TRIM56: variants seen among roughly 807,000 people sequenced by gnomAD.
The protein encoded by TRIM56 is tripartite motif containing 56, also known as E3 ubiquitin-protein ligase TRIM56.
TRIM56 carries 10 observed loss-of-function variants against 17.1 expected under a neutral mutation model. The ratio of observed to expected loss-of-function variants is 0.58; its 90% confidence interval spans 0.36 to 0.99. The LOEUF (loss-of-function observed/expected upper bound fraction) is 0.99, where lower values mean the gene tolerates loss of function less well. TRIM56 is among the 50% of genes least tolerant of loss of function. TRIM56 has a pLI of 0.01. For synonymous variants in TRIM56, 503 were observed against 473.5 expected (o/e 1.06, Z -0.81); for missense variants, 923 against 1,052.3 (o/e 0.88, Z 1.70).
rs1795512321 is a variant in TRIM56 at position 101,088,966 on chromosome 7, C to T, written c.1654C>T (p.Pro552Ser). The T allele has an allele frequency of 6.2e-7, 1 of 1,612,640 alleles. No individual in the cohort carries two copies. The highest frequency in any genetic ancestry group is 1.3e-5 in the African/African-American group (1 of 75,074). ...GTVPVPEGCS[P>S]CSVAALQSAV... Reference sequence around the variant, plus strand: ...CGTGCCGGTCCCTGAGGGCTGCTCCCCTTGCAGCGTGGCCGCCCTGCAGAG... The same window carrying T: ...CGTGCCGGTCCCTGAGGGCTGCTCCTCTTGCAGCGTGGCCGCCCTGCAGAG... Residue 552 changes from proline to serine, a missense_variant, in exon 3 of 3, where the codon CCT becomes TCT. This residue lies in a region of TRIM56 where 643 missense variants were observed against 665.6 expected (regional missense o/e 0.97). Transcript: ENST00000306085.
Position 101,089,194 on chromosome 7 carries a change from G to A in TRIM56, c.1882G>A (p.Gly628Ser), listed in dbSNP as rs773654265. 2 of 1,613,612 alleles carry A rather than the reference G, an allele frequency of 1.2e-6. No individual in the cohort carries two copies. Among genetic ancestry groups the A allele is most frequent in the Non-Finnish European group, 1.7e-6 (2 of 1,179,818 alleles). The change falls in exon 3 of 3, where the codon GGC becomes AGC. Residue 628 changes from glycine to serine, a missense_variant. Transcript: ENST00000306085. ...GSLATRFIPG[G>S]KASRGLRALV... ...CCTGGCCACCCGGTTCATTCCTGGA[G>A]GCAAGGCCAGCCGGGGCCTGCGGGC...
At position 101,087,866 on chromosome 7, in the gene TRIM56, C is replaced by T; in HGVS notation, c.554C>T (p.Ser185Leu). The T allele has an allele frequency of 6.2e-7, 1 of 1,605,978 alleles. No homozygotes were observed. Among genetic ancestry groups the T allele is most frequent in the South Asian group, 1.1e-5 (1 of 90,780 alleles). The change falls in exon 3 of 3, where the codon TCA (serine) becomes TTA (leucine). Residue 185 changes from serine (S) to leucine (L), a missense_variant. Around this residue, in one of 3 missense-constraint regions of TRIM56, gnomAD observed 643 missense variants for 665.6 expected, o/e 0.97. Coordinates refer to ENST00000306085, the MANE Select transcript of TRIM56 (RefSeq NM_030961.3). ...EALRFLCQPC[S>L]QLLCRECRLD... is the part of the protein sequence containing the mutation. ...CTGCGCTTCCTGTGCCAGCCCTGCT[C>T]ACAGTTGCTGTGCAGAGAGTGCCGC...
Position 101,091,581 on chromosome 7 carries a change from G to A in TRIM56, c.*2001G>A, listed in dbSNP as rs149447681. ...ATCTCTACTAAAAATACAAAAATTA[G>A]CTAGGCGTGGGAGCGGGCGTCTGTA... On this transcript the variant is annotated 3_prime_UTR_variant, in exon 3 of 3. Transcript: ENST00000306085. 6,037 of 344,352 alleles carry A rather than the reference G, an allele frequency of 0.018. 87 individuals carry two copies. Among genetic ancestry groups the A allele is most frequent in the Middle Eastern group, 0.021 (20 of 940 alleles). The allele number at this position is 344,352 out of a possible 1,614,324, so 21.3% of individuals were successfully genotyped here. A position where few individuals can be genotyped will look rare whatever the true frequency, so the allele number is the denominator to read the frequency against.
chr7:101,086,070 C>T (rs80211558), intron 1 of TRIM56, among the ~76,000 whole-genome samples: 2,460 of 152,232 alleles, frequency 0.016, 40 homozygotes, highest in Middle Eastern at 0.024. Flanking sequence ...AAAGTGGGGC[C>T]TCCACCACCC....
Position 101,088,808 on chromosome 7 carries a change from C to T in TRIM56, c.1496C>T (p.Thr499Met), listed in dbSNP as rs759424639. Residue 499 changes from threonine to methionine, a missense_variant, in exon 3 of 3, where the codon ACG (threonine) becomes ATG (methionine). Around this residue, in one of 3 missense-constraint regions of TRIM56, gnomAD observed 643 missense variants for 665.6 expected, o/e 0.97. Transcript: ENST00000306085. ...CCCATCTTTTACTGCAGTTTCCCCA[C>T]GCGGATGCCTGGAGACAAGCGGTCC... Reference protein sequence around the residue: ...PRPIFYCSFPTRMPGDKRSPR... With the variant: ...PRPIFYCSFPMRMPGDKRSPR... The T allele has an allele frequency of 3.9e-5, 63 of 1,613,712 alleles. No homozygotes were observed. Among genetic ancestry groups the T allele is most frequent in the Admixed American group, 6.7e-5 (4 of 60,010 alleles).
At position 101,088,630 on chromosome 7, in the gene TRIM56, G is replaced by C; in HGVS notation, c.1318G>C (p.Ala440Pro). 6.2e-7 allele frequency: 1 copy of C among 1,613,898 alleles called. No homozygotes were observed. Among genetic ancestry groups the C allele is most frequent in the Non-Finnish European group, 8.5e-7 (1 of 1,179,884 alleles). Residue 440 changes from alanine to proline, a missense_variant, in exon 3 of 3, where the codon GCC (alanine) becomes CCC (proline). Coordinates refer to ENST00000306085, the MANE Select transcript of TRIM56 (RefSeq NM_030961.3). The stretch of plus-strand genomic sequence containing the variant: ...AGCCCAGACCTTGGAGGAGGACAGG[G>C]CCCAGACACCCCACGAGGATGGAGG... ...EGAQTLEEDR[A>P]QTPHEDGGPQ... is the part of the protein sequence containing the mutation.
In TRIM56 at chr7:101,087,722, G is replaced by T; in HGVS notation, c.410G>T (p.Cys137Phe). 6.3e-7 allele frequency: 1 copy of T among 1,588,302 alleles called. No individual in the cohort carries two copies. Among genetic ancestry groups the T allele is most frequent in the Non-Finnish European group, 8.6e-7 (1 of 1,167,700 alleles). Residue 137 changes from cysteine (C) to phenylalanine (F), a missense_variant, in exon 3 of 3, where the codon TGC (cysteine) becomes TTC (phenylalanine). Cys to Phe is a radical substitution (Grantham distance 205). This residue lies in a region of TRIM56 where 643 missense variants were observed against 665.6 expected (regional missense o/e 0.97). Transcript: ENST00000306085. The part of the protein sequence containing the change: ...LCQACADGHR[C>F]TRQTHTHRVV... The stretch of plus-strand genomic sequence containing the variant: ...CAGGCCTGTGCCGACGGGCACCGCT[G>T]CACCCGCCAGACCCACACCCACCGC...
In TRIM56 at chr7:101,087,795, C is replaced by T; in HGVS notation, c.483C>T (p.Ala161=). 1.2e-6 allele frequency: 2 copies of T among 1,606,462 alleles called. No individual in the cohort carries two copies. The highest frequency in any genetic ancestry group is 1.1e-5 in the South Asian group (1 of 90,652). The part of the protein sequence containing the change: ...GYRAGWYDEE[A]RERQAAQCPQ... ...GGGCCGGGTGGTATGATGAGGAGGC[C>T]CGGGAGCGCCAAGCGGCCCAGTGTC... Residue 161 remains alanine (A), a synonymous_variant, in exon 3 of 3, where the codon GCC becomes GCT. Coordinates refer to ENST00000306085, the MANE Select transcript of TRIM56 (RefSeq NM_030961.3).
Position 101,088,861 on chromosome 7 carries a change from G to C in TRIM56, c.1549G>C (p.Gly517Arg). The change falls in exon 3 of 3, where the codon GGT (glycine) becomes CGT (arginine). Residue 517 changes from glycine (G) to arginine (R), a missense_variant. Gly to Arg is a moderately radical substitution (Grantham distance 125). Transcript: ENST00000306085. ...SPRITGLCPF[G>R]PREILVADEQ... ...CCGGATCACCGGGCTCTGTCCCTTC[G>C]GTCCCCGGGAGATCCTGGTGGCGGA... 4 of 1,613,870 alleles carry C rather than the reference G, an allele frequency of 2.5e-6. No homozygotes were observed. The highest frequency in any genetic ancestry group is 3.4e-6 in the Non-Finnish European group (4 of 1,180,040).
At position 101,091,944 on chromosome 7, in the gene TRIM56, C is replaced by T. The variant is rs572164418; in HGVS notation, c.*2364C>T. On this transcript the variant is annotated 3_prime_UTR_variant, in exon 3 of 3. Coordinates refer to ENST00000306085, the MANE Select transcript of TRIM56 (RefSeq NM_030961.3). The stretch of plus-strand genomic sequence containing the variant: ...CTGCGATTGCAGGCGCGCGCCGCCA[C>T]GCCTGACTGGTTTTCGTATTTTTTT... 1.7e-4 allele frequency: 52 copies of T among 300,290 alleles called. 2 individuals carry two copies. Among genetic ancestry groups the T allele is most frequent in the African/African-American group, 8.3e-4 (36 of 43,188 alleles). The allele number at this position is 300,290 out of a possible 1,614,324, so 18.6% of individuals were successfully genotyped here. A position where few individuals can be genotyped will look rare whatever the true frequency, so the allele number is the denominator to read the frequency against.
In TRIM56 at chr7:101,087,304, G is replaced by T. The variant is rs779245758; in HGVS notation, c.-1-8G>T. 6.2e-7 allele frequency: 1 copy of T among 1,608,304 alleles called. No homozygotes were observed. Among genetic ancestry groups the T allele is most frequent in the South Asian group, 1.1e-5 (1 of 90,734 alleles). On this transcript the variant is annotated splice_region_variant and splice_polypyrimidine_tract_variant and intron_variant, in intron 2 of 2. Coordinates refer to ENST00000306085, the MANE Select transcript of TRIM56 (RefSeq NM_030961.3). The stretch of plus-strand genomic sequence containing the variant: ...TCTCAACTCTGATCCTGACGCCTCT[G>T]CCTGCAGCATGGTTTCCCACGGGTC...
In TRIM56 at chr7:101,088,050, G is replaced by A; in HGVS notation, c.738G>A (p.Glu246=). The change falls in exon 3 of 3, where the codon GAG becomes GAA. Residue 246 remains glutamate, a synonymous_variant. Coordinates refer to ENST00000306085, the MANE Select transcript of TRIM56 (RefSeq NM_030961.3). ...VEKEALARLR[E]QAARVGTQVE... ...AGGAGGCGCTAGCCCGGCTGCGGGA[G>A]CAGGCGGCCCGGGTGGGGACTCAGG... 2.0e-6 allele frequency: 3 copies of A among 1,536,566 alleles called. No individual in the cohort carries two copies. The highest frequency in any genetic ancestry group is 8.7e-7 in the Non-Finnish European group (1 of 1,144,814).
Position 101,089,625 on chromosome 7 carries a change from G to A in TRIM56, c.*45G>A. On this transcript the variant is annotated 3_prime_UTR_variant, in exon 3 of 3. Transcript: ENST00000306085. ...AGAGGGAGTGGGGAGGGAGAGGGCA[G>A]GAAGGAGGCAGAGCTGTCCGTGGGA... The A allele has an allele frequency of 6.4e-7, 1 of 1,552,254 alleles. No individual in the cohort carries two copies. Among genetic ancestry groups the A allele is most frequent in the Non-Finnish European group, 8.8e-7 (1 of 1,140,094 alleles).
In TRIM56 at chr7:101,087,748, G is replaced by C. The variant is rs1041968573; in HGVS notation, c.436G>C (p.Val146Leu). 6.2e-7 allele frequency: 1 copy of C among 1,604,872 alleles called. No homozygotes were observed. The highest frequency in any genetic ancestry group is 2.2e-5 in the East Asian group (1 of 44,772). Residue 146 changes from valine (V) to leucine (L), a missense_variant, in exon 3 of 3, where the codon GTG (valine) becomes CTG (leucine). Val to Leu is a conservative substitution (Grantham distance 32). Transcript: ENST00000306085. ...RCTRQTHTHR[V>L]VDLVGYRAGW... is the part of the protein sequence containing the mutation. ...CACCCGCCAGACCCACACCCACCGC[G>C]TGGTGGACCTGGTGGGCTACAGGGC...
rs1360259334 is a variant in TRIM56 at position 101,088,827 on chromosome 7, G to A, written c.1515G>A (p.Lys505=). ...TCCCCACGCGGATGCCTGGAGACAA[G>A]CGGTCCCCCCGGATCACCGGGCTCT... The part of the protein sequence containing the change: ...CSFPTRMPGD[K]RSPRITGLCP... Residue 505 remains lysine (K), a synonymous_variant, in exon 3 of 3, where the codon AAG becomes AAA. Coordinates refer to ENST00000306085, the MANE Select transcript of TRIM56 (RefSeq NM_030961.3). 6 of 1,613,804 alleles carry A rather than the reference G, an allele frequency of 3.7e-6. No individual in the cohort carries two copies. The highest frequency in any genetic ancestry group is 1.7e-5 in the Admixed American group (1 of 60,030).
chr7:101,088,826 A>G lies in TRIM56; in HGVS notation c.1514A>G (p.Lys505Arg), dbSNP rs1017573122. The change falls in exon 3 of 3, where the codon AAG becomes AGG. Residue 505 changes from lysine (K) to arginine (R), a missense_variant. By Grantham distance (26) the Lys-to-Arg change is conservative (BLOSUM62 2). Around this residue, in one of 3 missense-constraint regions of TRIM56, gnomAD observed 643 missense variants for 665.6 expected, o/e 0.97. Coordinates refer to ENST00000306085, the MANE Select transcript of TRIM56 (RefSeq NM_030961.3). ...TTCCCCACGCGGATGCCTGGAGACAAGCGGTCCCCCCGGATCACCGGGCTC... is the reference window on the plus strand; with the variant it reads ...TTCCCCACGCGGATGCCTGGAGACAGGCGGTCCCCCCGGATCACCGGGCTC... ...CSFPTRMPGD[K>R]RSPRITGLCP... 9 of 1,613,740 alleles carry G rather than the reference A, an allele frequency of 5.6e-6. No individual in the cohort carries two copies. Among genetic ancestry groups the G allele is most frequent in the Admixed American group, 5.0e-5 (3 of 60,024 alleles).
rs1197575052 is a variant in TRIM56, at chr7:101,092,175, A to G, written c.*2595A>G. On this transcript the variant is annotated 3_prime_UTR_variant, in exon 3 of 3. Transcript: ENST00000306085. ...CCCAGCCGCCCGCCTTGGCCTCCCA[A>G]AGTGCCGAGATTACAGCCTCTGCCC... 3 of 220,482 alleles carry G rather than the reference A, an allele frequency of 1.4e-5. No individual in the cohort carries two copies. Among genetic ancestry groups the G allele is most frequent in the Non-Finnish European group, 1.8e-5 (2 of 111,096 alleles). The allele number at this position is 220,482 out of a possible 1,614,324, so 13.7% of individuals were successfully genotyped here.
chr7:101,089,014 G>A lies in TRIM56; in HGVS notation c.1702G>A (p.Ala568Thr), dbSNP rs747972783. The A allele has an allele frequency of 5.2e-5, 83 of 1,606,248 alleles. No homozygotes were observed. Among genetic ancestry groups the A allele is most frequent in the Non-Finnish European group, 6.8e-5 (80 of 1,179,704 alleles). ...LQSAVAFSAS[A>T]RLYLINPNGE... ...GAGCGCGGTGGCCTTCTCCGCTAGC[G>A]CACGGCTCTATCTCATCAACCCCAA... is the stretch of plus-strand genomic sequence containing the variant. The change falls in exon 3 of 3, where the codon GCA (alanine) becomes ACA (threonine). Residue 568 changes from alanine to threonine, a missense_variant. Ala to Thr is a moderately conservative substitution (Grantham distance 58). Transcript: ENST00000306085.
chr7:101,087,816 G>A lies in TRIM56; in HGVS notation c.504G>A (p.Gln168=). 1.9e-6 allele frequency: 3 copies of A among 1,605,804 alleles called. No homozygotes were observed. The highest frequency in any genetic ancestry group is 2.5e-6 in the Non-Finnish European group (3 of 1,177,830). The change falls in exon 3 of 3, where the codon CAG becomes CAA. Residue 168 remains glutamine (Q), a synonymous_variant. Coordinates refer to ENST00000306085, the MANE Select transcript of TRIM56 (RefSeq NM_030961.3). The part of the protein sequence containing the change: ...DEEARERQAA[Q]CPQHPGEALR... ...AGGCCCGGGAGCGCCAAGCGGCCCA[G>A]TGTCCCCAGCACCCCGGGGAGGCAC...
Sources: allele counts gnomAD v4.1 joint callset (sites outside exome capture counted in the v4.1 genomes callset), GRCh38; gene constraint gnomAD v4.1.1; regional missense constraint gnomAD v4.1.1; transcripts MANE v1.5; gene names NCBI Gene and HGNC (gene_info 2026-07-23, HGNC 2026-07-21).